The following MAD1L1 variants were observed in gnomAD, a reference collection of about 807,000 sequenced individuals.
MAD1L1 encodes the protein mitotic spindle assembly checkpoint protein MAD1.
MAD1L1 carries 95 observed loss-of-function variants against 96.9 expected under a neutral mutation model. The ratio of observed to expected loss-of-function variants is 0.98; its 90% confidence interval spans 0.83 to 1.16. MAD1L1 has a LOEUF of 1.16. Among genes scored for constraint, MAD1L1 ranks in the 50% most tolerant of loss-of-function variants. The pLI is 0.00. For synonymous variants in MAD1L1, 473 were observed against 396.6 expected (o/e 1.19, Z -2.29); for missense variants, 1,007 against 954.4 (o/e 1.06, Z -0.73).
At chr7:1,914,986 G>A (rs935468642) in intron 17 of MAD1L1, among the ~76,000 whole-genome samples, 1 of 152,168 alleles carries the variant, frequency 6.6e-6, no homozygotes, top group African/African-American at 2.4e-5. Context: ...GGCATCTAAG[G>A]ATAGTGTGGG....
intron 16 of MAD1L1, among the ~76,000 whole-genome samples, chr7:1,937,451 G>A (rs1472156678): frequency 6.6e-6 from 1 of 152,194 alleles, no homozygotes; most frequent in Non-Finnish European, 1.5e-5. Flanking sequence ...GGGCCGGGAT[G>A]TGTGTGGCAT....
intron 11 of MAD1L1, among the ~76,000 whole-genome samples, chr7:2,106,648 A>G (rs1457584298): frequency 6.6e-6 from 1 of 152,222 alleles, no homozygotes; most frequent in African/African-American, 2.4e-5. Flanking sequence ...ATAGCCCGTC[A>G]CACTCTCGGC....
At position 2,083,627 on chromosome 7, in the gene MAD1L1, G is replaced by A. The variant is rs189262759; in HGVS notation, c.1074-14289C>T. ...CGTAACAGACTGCAAGATGTCCCCCGTGGCCAAGATGGAAGAGGCAACGGC... is the reference window on the plus strand; with the variant it reads ...CGTAACAGACTGCAAGATGTCCCCCATGGCCAAGATGGAAGAGGCAACGGC... On this transcript the variant is annotated intron_variant, in intron 11 of 18. Transcript: ENST00000265854. Among the ~76,000 whole-genome samples the A allele has an allele frequency of 3.3e-4, 50 of 152,354 alleles. No individual in the cohort carries two copies. The Middle Eastern group carries it at 0.017, about 52-fold the overall frequency.
chr7:2,125,234 G>C (rs1388530923), intron 11 of MAD1L1, among the ~76,000 whole-genome samples: 2 of 152,194 alleles, frequency 1.3e-5, no homozygotes, highest in Non-Finnish European at 2.9e-5. Context: ...AGCAGGTCCT[G>C]GACCCAAGGG....
chr7:1,922,382 C>T (rs1459305544), intron 17 of MAD1L1, among the ~76,000 whole-genome samples: 2 of 152,264 alleles, frequency 1.3e-5, no homozygotes, highest in African/African-American at 4.8e-5. Context: ...GAAGAGTGAA[C>T]AGAAACGGCA....
intron 18 of MAD1L1, among the ~76,000 whole-genome samples, chr7:1,893,258 G>T (rs1583682071): frequency 1.5e-5 from 1 of 67,602 alleles, no homozygotes; most frequent in Non-Finnish European, 2.5e-5. Context: ...GTCCCGGCTG[G>T]GATGGGAAGT....
At chr7:1,966,456 C>T (rs937198891) in intron 15 of MAD1L1, among the ~76,000 whole-genome samples, 1 of 151,120 alleles carries the variant, frequency 6.6e-6, no homozygotes, top group Non-Finnish European at 1.5e-5. Flanking sequence ...AGTGTGCACG[C>T]TCTCACAGCA....
chr7:2,181,788 G>A (rs77488374), intron 10 of MAD1L1, among the ~76,000 whole-genome samples: 2,720 of 151,640 alleles, frequency 0.018, 40 homozygotes, highest in Non-Finnish European at 0.029. Flanking sequence ...CCCATCAACC[G>A]AGTGGATAAA....
intron 12 of MAD1L1, among the ~76,000 whole-genome samples, chr7:2,019,043 G>A (rs982342181): frequency 3.9e-5 from 6 of 152,154 alleles, no homozygotes; most frequent in African/African-American, 9.7e-5. Context: ...CTCTCCCGAC[G>A]CATGGAGCCA....
chr7:1,828,796 G>A (rs1782558340), intron 18 of MAD1L1, among the ~76,000 whole-genome samples: 1 of 152,156 alleles, frequency 6.6e-6, no homozygotes, highest in Non-Finnish European at 1.5e-5. Context: ...ACAGACCTAG[G>A]GCTGACCTGA....
intron 18 of MAD1L1, among the ~76,000 whole-genome samples, chr7:1,841,275 G>A (rs1766837020): frequency 2.0e-5 from 3 of 152,220 alleles, no homozygotes; most frequent in South Asian, 2.1e-4. Context: ...CACTCACATG[G>A]GGGGCGAGGA....
intron 18 of MAD1L1, among the ~76,000 whole-genome samples, chr7:1,836,628 T>C (rs1009710403): frequency 2.0e-5 from 3 of 152,238 alleles, no homozygotes; most frequent in Admixed American, 2.0e-4. Flanking sequence ...ATTGTTAAGA[T>C]GTCAATTATC....
intron 18 of MAD1L1, among the ~76,000 whole-genome samples, chr7:1,868,404 C>T (rs562199529): frequency 7.2e-5 from 11 of 152,254 alleles, no homozygotes; most frequent in African/African-American, 2.4e-4. Flanking sequence ...TGCTCCCACG[C>T]AGGCCGCGCC....
intron 11 of MAD1L1, among the ~76,000 whole-genome samples, chr7:2,118,290 G>T (rs1787811985): frequency 6.6e-6 from 1 of 152,158 alleles, no homozygotes; most frequent in South Asian, 2.1e-4. Flanking sequence ...GCAGAACGGG[G>T]CCTGAGCCTG....
chr7:2,219,484 C>T (rs767927702), intron 5 of MAD1L1, 28 bp from the exon 6 acceptor site: 2 of 1,609,650 alleles, frequency 1.2e-6, no homozygotes, highest in East Asian at 4.5e-5. Context: ...CAGAGAGCCG[C>T]TCAGTGAGTG....
At chr7:1,839,186 G>A (rs1370406417) in intron 18 of MAD1L1, among the ~76,000 whole-genome samples, 3 of 152,174 alleles carry the variant, frequency 2.0e-5, no homozygotes, top group Non-Finnish European at 2.9e-5. Flanking sequence ...GGGGCTGGCC[G>A]CAGCTTCGTG....
chr7:2,167,361 C>A (rs1790482786), intron 10 of MAD1L1, among the ~76,000 whole-genome samples: 2 of 151,486 alleles, frequency 1.3e-5, no homozygotes, highest in African/African-American at 2.4e-5. Context: ...TCCTGGCTAA[C>A]ACGGTGAAAC....
intron 12 of MAD1L1, among the ~76,000 whole-genome samples, chr7:2,053,527 T>G (rs12699646): frequency 0.65 from 98,449 of 152,114 alleles, 32,081 homozygotes; most frequent in Middle Eastern, 0.78. Context: ...TTCCGGGAAG[T>G]AGAGAAGCTG....
At chr7:2,209,035 G>T (rs1399804758) in intron 10 of MAD1L1, among the ~76,000 whole-genome samples, 1 of 152,150 alleles carries the variant, frequency 6.6e-6, no homozygotes, top group Non-Finnish European at 1.5e-5. Context: ...GTTCACGCAG[G>T]CTCATCCACA....
Sources: allele counts gnomAD v4.1 joint callset (sites outside exome capture counted in the v4.1 genomes callset), GRCh38; gene constraint gnomAD v4.1.1; transcripts MANE v1.5; gene names NCBI Gene and HGNC (gene_info 2026-07-23, HGNC 2026-07-21).